Variants in NAA30 observed in about 807,000 individuals in gnomAD.
NAA30 encodes N-alpha-acetyltransferase 30.
Under a neutral mutation model 31.4 loss-of-function variants are expected in NAA30, and 5 were observed. The observed-to-expected ratio is 0.16, with a 90% CI of 0.08 to 0.33. NAA30 has a LOEUF of 0.33. NAA30 is among the 10% of genes least tolerant of loss of function. The pLI is 1.00. For synonymous variants in NAA30, 222 were observed against 207.1 expected, an observed-to-expected ratio of 1.07 and a Z score of -0.62; for missense variants, 428 against 490.8, an observed-to-expected ratio of 0.87 and a Z score of 1.21.
chr14:57,399,651 C>T (rs112889496), intron 3 of NAA30, among the ~76,000 whole-genome samples, 177 bp from the exon 4 acceptor site: 11 of 152,320 alleles, frequency 7.2e-5, no homozygotes, highest in African/African-American at 2.6e-4. Context: ...TGTATAGGTT[C>T]TGTTGGCTTC....
At position 57,391,280 on chromosome 14, in the gene NAA30, T is replaced by G. The variant is rs1263655577; in HGVS notation, c.323T>G (p.Val108Gly). The change falls in exon 2 of 5, where the codon GTA becomes GGA. Residue 108 changes from valine to glycine, a missense_variant. Val to Gly is a moderately radical substitution (Grantham distance 109). Around this residue, in one of 2 missense-constraint regions of NAA30, gnomAD observed 349 missense variants for 310.4 expected, o/e 1.12. Transcript: ENST00000556492. The surrounding 1 kb of genome is among the most constrained non-coding windows in gnomAD (Gnocchi z 4.1). ...TCCCTCAAGAGCAAGGTCCTGAGCG[T>G]AGCAGAGGTGGCCGCGACCACAGCC... ...AASLKSKVLS[V>G]AEVAATTATP... 8 of 1,611,282 alleles carry G rather than the reference T, an allele frequency of 5.0e-6. No homozygotes were observed. Among genetic ancestry groups the G allele is most frequent in the African/African-American group, 1.3e-5 (1 of 74,894 alleles).
At chr14:57,403,172 C>G (rs1205726694) in intron 4 of NAA30, among the ~76,000 whole-genome samples, 1 of 148,870 alleles carries the variant, frequency 6.7e-6, no homozygotes, top group African/African-American at 2.5e-5. Flanking sequence ...CAGAGTGAGA[C>G]TCTCATAAAG....
chr14:57,392,260 G>T (rs534805819), intron 2 of NAA30, among the ~76,000 whole-genome samples: 114 of 152,186 alleles, frequency 7.5e-4, no homozygotes, highest in South Asian at 2.1e-3. Context: ...ACTTCAACTG[G>T]ACAATTAACA....
At chr14:57,406,799 C>T (rs2066499902) in intron 4 of NAA30, among the ~76,000 whole-genome samples, 3 of 152,118 alleles carry the variant, frequency 2.0e-5, no homozygotes, top group African/African-American at 7.2e-5. Context: ...TTGTTAAAAA[C>T]TAAAAACTTG....
chr14:57,406,378 G>A (rs948467326), intron 4 of NAA30, among the ~76,000 whole-genome samples: 1 of 152,254 alleles, frequency 6.6e-6, no homozygotes, highest in African/African-American at 2.4e-5. Flanking sequence ...GTCTTAAGTA[G>A]GTTAGATTTC....
intron 2 of NAA30, among the ~76,000 whole-genome samples, chr14:57,395,314 T>TA (rs935067834): frequency 3.3e-5 from 5 of 151,974 alleles, no homozygotes; most frequent in Admixed American, 6.6e-5. Flanking sequence ...TCTCCACAGT[T>TA]AAAAAAAGGC....
In NAA30 at chr14:57,391,844, T is replaced by C. The variant is rs904149778; in HGVS notation, c.771+116T>C. 5 of 785,562 alleles carry C rather than the reference T, an allele frequency of 6.4e-6. No individual in the cohort carries two copies. The highest frequency in any genetic ancestry group is 5.2e-5 in the African/African-American group (3 of 57,792). The allele number at this position is 785,562 out of a possible 1,614,324, so 48.7% of individuals were successfully genotyped here. A position where few individuals can be genotyped will look rare whatever the true frequency, so the allele number is the denominator to read the frequency against. On this transcript the variant is annotated intron_variant, in intron 2 of 4. Transcript: ENST00000556492. The surrounding 1 kb of genome is among the most constrained non-coding windows in gnomAD (Gnocchi z 4.1). ...TCTCCTGCTGCGTATCATAGTACGT[T>C]ATATGATGTCAAGTGCTGTACACAT...
chr14:57,404,848 A>G (rs2066491980), intron 4 of NAA30, among the ~76,000 whole-genome samples: 1 of 152,192 alleles, frequency 6.6e-6, no homozygotes, highest in Non-Finnish European at 1.5e-5. Context: ...GACTTGCCCC[A>G]TGATTTAGAG....
At position 57,395,200 on chromosome 14, in the gene NAA30, A is replaced by G. The variant is rs375890014; in HGVS notation, c.772-1552A>G. Among the ~76,000 whole-genome samples, 16 of 152,298 alleles carry G rather than the reference A, an allele frequency of 1.1e-4. No individual in the cohort carries two copies. In the South Asian group the frequency reaches 2.5e-3, roughly 24 times the overall value. On this transcript the variant is annotated intron_variant, in intron 2 of 4. Coordinates refer to ENST00000556492, the MANE Select transcript of NAA30 (RefSeq NM_001011713.3). ...TTTTGGAATGTGTGATAAACCAGAAATGAATTAGCGTGGGTTGTTGAATTT... is the reference window on the plus strand; with the variant it reads ...TTTTGGAATGTGTGATAAACCAGAAGTGAATTAGCGTGGGTTGTTGAATTT...
Position 57,403,122 on chromosome 14 carries a change from A to G in NAA30, c.951+3239A>G, listed in dbSNP as rs538926135. On this transcript the variant is annotated intron_variant, in intron 4 of 4. Transcript: ENST00000556492. ...CTTGAACCCGAGAGGTGGAAGTTGCAGTGAGCCAAGATTGCACCGCTGCTT... is the reference window on the plus strand; with the variant it reads ...CTTGAACCCGAGAGGTGGAAGTTGCGGTGAGCCAAGATTGCACCGCTGCTT... Among the ~76,000 whole-genome samples the G allele has an allele frequency of 2.0e-5, 3 of 152,288 alleles. No homozygotes were observed. The East Asian group carries it at 5.8e-4, about 29-fold the overall frequency.
chr14:57,391,113 C>T lies in NAA30; in HGVS notation c.156C>T (p.Gly52=), dbSNP rs747822839. The T allele has an allele frequency of 5.7e-6, 9 of 1,577,060 alleles. No individual in the cohort carries two copies. Among genetic ancestry groups the T allele is most frequent in the Non-Finnish European group, 6.9e-6 (8 of 1,164,740 alleles). Reference sequence around the variant, plus strand: ...ACGACGAAGAGCACGAAGGCGGCGGCAGCAGGAGCCCGGCGGGCGGAGAGT... The same window carrying T: ...ACGACGAAGAGCACGAAGGCGGCGGTAGCAGGAGCCCGGCGGGCGGAGAGT... ...EEDDEEHEGG[G]SRSPAGGESA... is the part of the protein sequence containing the mutation. The change falls in exon 2 of 5, where the codon GGC becomes GGT. Residue 52 remains glycine (G), a synonymous_variant. Coordinates refer to ENST00000556492, the MANE Select transcript of NAA30 (RefSeq NM_001011713.3). The surrounding 1 kb of genome is among the most constrained non-coding windows in gnomAD (Gnocchi z 4.1).
At chr14:57,403,024 T>C (rs1156368741) in intron 4 of NAA30, among the ~76,000 whole-genome samples, 1 of 152,090 alleles carries the variant, frequency 6.6e-6, no homozygotes, top group South Asian at 2.1e-4. Flanking sequence ...CTACTAAAAA[T>C]ACGAAAATTA....
Position 57,391,617 on chromosome 14 carries a change from C to T in NAA30, c.660C>T (p.Ser220=). 1.2e-6 allele frequency: 2 copies of T among 1,614,238 alleles called. No homozygotes were observed. The change falls in exon 2 of 5, where the codon TCC becomes TCT. Residue 220 remains serine (S), a synonymous_variant. Transcript: ENST00000556492. The surrounding 1 kb of genome is among the most constrained non-coding windows in gnomAD (Gnocchi z 4.1). ...DRTIRYVRYE[S]ELQMPDIMRL... ...CGATACGATATGTCCGATATGAATC[C>T]GAGCTACAAATGCCCGATATCATGA...
Position 57,413,510 on chromosome 14 carries a change from G to A in NAA30, c.*3994G>A, listed in dbSNP as rs1231556170. 1 of 152,200 alleles carries A rather than the reference G, an allele frequency of 6.6e-6. No individual in the cohort carries two copies. The highest frequency in any genetic ancestry group is 1.5e-5 in the Non-Finnish European group (1 of 68,106). 9.4% of individuals were successfully genotyped at this position (152,200 alleles called of 1,614,324 possible). On this transcript the variant is annotated 3_prime_UTR_variant, in exon 5 of 5. Coordinates refer to ENST00000556492, the MANE Select transcript of NAA30 (RefSeq NM_001011713.3). Reference sequence around the variant, plus strand: ...CCCAGAGGTGTTAGATTTATTTTTTGAGACAGAGTCTCACTCTGTTGCCCA... The same window carrying A: ...CCCAGAGGTGTTAGATTTATTTTTTAAGACAGAGTCTCACTCTGTTGCCCA...
At chr14:57,401,438 A>G (rs1168862055) in intron 4 of NAA30, among the ~76,000 whole-genome samples, 1 of 152,226 alleles carries the variant, frequency 6.6e-6, no homozygotes. Flanking sequence ...CAAAAGGTGC[A>G]GTCGCCAAAG....
At chr14:57,403,897 G>GC (rs1294779041) in intron 4 of NAA30, among the ~76,000 whole-genome samples, 12 of 152,272 alleles carry the variant, frequency 7.9e-5, no homozygotes, top group East Asian at 1.9e-4. Flanking sequence ...TAGAATATGG[G>GC]CAGGTGATTG....
chr14:57,400,423 G>A (rs942861577), intron 4 of NAA30, among the ~76,000 whole-genome samples: 2 of 152,172 alleles, frequency 1.3e-5, no homozygotes, highest in African/African-American at 4.8e-5. Context: ...ACTGCACGGT[G>A]TTTCTACATA....
At chr14:57,403,986 A>G (rs1365279312) in intron 4 of NAA30, among the ~76,000 whole-genome samples, 3 of 152,108 alleles carry the variant, frequency 2.0e-5, no homozygotes, top group Non-Finnish European at 4.4e-5. Flanking sequence ...GAAAACTTCA[A>G]GGTTGTTTTT....
chr14:57,393,383 C>T (rs556476465), intron 2 of NAA30, among the ~76,000 whole-genome samples: 53 of 152,060 alleles, frequency 3.5e-4, no homozygotes, highest in Non-Finnish European at 4.4e-4. Context: ...TCTAGAATTG[C>T]GATATGCACA....
Sources: gnomAD v4.1 joint callset for allele counts (sites outside exome capture counted in the v4.1 genomes callset) on GRCh38, gnomAD v4.1.1 for gene constraint, gnomAD v4.1.1 regional missense constraint, Gnocchi (gnomAD v3.1) non-coding constraint, MANE v1.5 for transcripts, NCBI Gene and HGNC (gene_info 2026-07-23, HGNC 2026-07-21) for gene names.